The following GRM8 variants were observed in gnomAD, a reference collection of about 807,000 sequenced individuals.
The protein encoded by GRM8 is glutamate metabotropic receptor 8, also known as metabotropic glutamate receptor 8.
GRM8 carries 47 observed loss-of-function variants against 87.2 expected under a neutral mutation model. The observed-to-expected ratio is 0.54, with a 90% CI of 0.43 to 0.69. The LOEUF (loss-of-function observed/expected upper bound fraction) is 0.69. Among genes scored for constraint, GRM8 ranks in the 30% least tolerant of loss-of-function variants. The pLI is 0.00. For missense variants in GRM8, 1,019 were observed against 1,139.2 expected, an observed-to-expected ratio of 0.89 and a Z score of 1.52; for synonymous variants, 396 against 404.5, an observed-to-expected ratio of 0.98 and a Z score of 0.25.
At chr7:127,146,302 C>T (rs1828550166) in intron 2 of GRM8, among the ~76,000 whole-genome samples, 1 of 152,018 alleles carries the variant, frequency 6.6e-6, no homozygotes, top group Admixed American at 6.6e-5. Context: ...ACATCAGGGG[C>T]ACTCTGTCGC....
chr7:126,499,751 A>G (rs1246972827), intron 9 of GRM8, among the ~76,000 whole-genome samples: 2 of 151,880 alleles, frequency 1.3e-5, no homozygotes, highest in African/African-American at 4.8e-5. Context: ...AATCTAAAGA[A>G]CTCATAGAAG....
intron 7 of GRM8, among the ~76,000 whole-genome samples, chr7:126,673,534 C>G (rs1460945141): frequency 6.6e-6 from 1 of 152,174 alleles, no homozygotes; most frequent in Non-Finnish European, 1.5e-5. Flanking sequence ...GATCAACACA[C>G]CAAGAACACA....
chr7:126,688,704 C>T (rs1808435829), intron 7 of GRM8, among the ~76,000 whole-genome samples: 1 of 149,678 alleles, frequency 6.7e-6, no homozygotes, highest in Non-Finnish European at 1.5e-5. Flanking sequence ...TTAAATTCTG[C>T]CCCTCCTTTC....
At chr7:126,764,983 C>T (rs1818032289) in intron 7 of GRM8, among the ~76,000 whole-genome samples, 1 of 151,998 alleles carries the variant, frequency 6.6e-6, no homozygotes, top group Non-Finnish European at 1.5e-5. Context: ...TAAATGTCAC[C>T]TTTTTCTATA....
At chr7:126,661,985 A>T (rs1165160533) in intron 7 of GRM8, among the ~76,000 whole-genome samples, 1 of 151,868 alleles carries the variant, frequency 6.6e-6, no homozygotes, top group Non-Finnish European at 1.5e-5. Flanking sequence ...TACATGACTA[A>T]AAAGGTATTG....
chr7:126,505,409 A>G (rs193277287), intron 9 of GRM8, among the ~76,000 whole-genome samples: 169 of 152,162 alleles, frequency 1.1e-3, no homozygotes, highest in African/African-American at 3.9e-3. Flanking sequence ...CACATCCCCA[A>G]TCTAAAAATG....
At chr7:126,734,186 T>A (rs1237279200) in intron 7 of GRM8, among the ~76,000 whole-genome samples, 2 of 151,964 alleles carry the variant, frequency 1.3e-5, no homozygotes, top group African/African-American at 2.4e-5. Flanking sequence ...ATACAAAATG[T>A]ACACATTGCT....
rs1309799550 is a variant in GRM8, at chr7:126,701,779, G to A, written c.1357+68086C>T. 2.3e-6 allele frequency: 3 copies of A among 1,285,188 alleles called. No individual in the cohort carries two copies. In the Admixed American group the frequency reaches 6.9e-5, roughly 30 times the overall value. 79.6% of individuals were successfully genotyped at this position (1,285,188 alleles called of 1,614,324 possible). A position where few individuals can be genotyped will look rare whatever the true frequency, so the allele number is the denominator to read the frequency against. Reference sequence around the variant, plus strand: ...TACCCAACTACTGGAAAATGAAGGAGTAAAAAGAGTTGGCCAGGGTAGAGA... The same window carrying A: ...TACCCAACTACTGGAAAATGAAGGAATAAAAAGAGTTGGCCAGGGTAGAGA... On this transcript the variant is annotated intron_variant, in intron 7 of 10. Coordinates refer to ENST00000339582, the MANE Select transcript of GRM8 (RefSeq NM_000845.3).
intron 6 of GRM8, among the ~76,000 whole-genome samples, chr7:126,823,169 T>G (rs1272390612): frequency 6.6e-6 from 1 of 152,250 alleles, no homozygotes; most frequent in Admixed American, 6.5e-5. Context: ...GATTTTGTGA[T>G]AGTCACATCA....
chr7:127,167,411 A>G (rs1441473503), intron 2 of GRM8, among the ~76,000 whole-genome samples: 1 of 152,132 alleles, frequency 6.6e-6, no homozygotes. Context: ...TCATCCTTTT[A>G]TACAGGCATA....
At chr7:126,595,726 G>A (rs900498186) in intron 8 of GRM8, among the ~76,000 whole-genome samples, 2 of 152,018 alleles carry the variant, frequency 1.3e-5, no homozygotes, top group Non-Finnish European at 2.9e-5. Context: ...TGATGTATAC[G>A]TACCACATTT....
At chr7:126,655,198 C>T (rs11765247) in intron 7 of GRM8, among the ~76,000 whole-genome samples, 20,071 of 152,108 alleles carry the variant, frequency 0.13, 1,601 homozygotes, top group South Asian at 0.2. Flanking sequence ...TCTTCATATT[C>T]CTTTGCCAGT....
intron 3 of GRM8, among the ~76,000 whole-genome samples, chr7:127,085,439 G>A (rs901342118): frequency 2.8e-4 from 42 of 152,280 alleles, no homozygotes; most frequent in African/African-American, 8.2e-4. Flanking sequence ...ACAGTGTAAA[G>A]GCATTCCTAT....
chr7:127,200,163 C>T (rs915244809), intron 2 of GRM8, among the ~76,000 whole-genome samples: 6 of 152,090 alleles, frequency 3.9e-5, no homozygotes, highest in African/African-American at 7.2e-5. Context: ...AGGCTCATCC[C>T]CACACATACC....
chr7:127,238,357 T>C (rs1798103470), intron 2 of GRM8, among the ~76,000 whole-genome samples: 1 of 151,652 alleles, frequency 6.6e-6, no homozygotes, highest in Non-Finnish European at 1.5e-5. Flanking sequence ...CACTAGTGCA[T>C]CTAAAAAGTT....
chr7:127,153,771 T>C (rs1402394008), intron 2 of GRM8, among the ~76,000 whole-genome samples: 2 of 152,114 alleles, frequency 1.3e-5, no homozygotes, highest in African/African-American at 4.8e-5. Context: ...TTTGACTCAA[T>C]TAGAAATGGC....
chr7:126,650,397 C>T (rs2151241288), intron 7 of GRM8, among the ~76,000 whole-genome samples: 1 of 152,268 alleles, frequency 6.6e-6, no homozygotes, highest in African/African-American at 2.4e-5. Context: ...AATATGCAGG[C>T]ACCACCCAAA....
intron 6 of GRM8, among the ~76,000 whole-genome samples, chr7:126,818,444 T>A (rs140997716): frequency 1.9e-4 from 29 of 152,326 alleles, no homozygotes; most frequent in African/African-American, 6.7e-4. Flanking sequence ...CCAGAAGATA[T>A]AATTGCAGGA....
intron 6 of GRM8, among the ~76,000 whole-genome samples, chr7:126,843,263 G>A (rs1259586642): frequency 6.6e-6 from 1 of 151,966 alleles, no homozygotes; most frequent in Non-Finnish European, 1.5e-5. Flanking sequence ...CATGGTAGAA[G>A]CTCAATAAGG....
Sources: gnomAD v4.1 joint callset for allele counts (sites outside exome capture counted in the v4.1 genomes callset) on GRCh38, gnomAD v4.1.1 for gene constraint, MANE v1.5 for transcripts, NCBI Gene and HGNC (gene_info 2026-07-23, HGNC 2026-07-21) for gene names.